The following TBX5 variants were observed in gnomAD, a reference collection of about 807,000 sequenced individuals.
TBX5 encodes T-box transcription factor TBX5.
In TBX5, 8 loss-of-function variants were observed where a neutral mutation model predicts 51.1. The observed-to-expected ratio is 0.16, with a 90% confidence interval of 0.09 to 0.28. TBX5 has a LOEUF of 0.28. Among genes scored for constraint, TBX5 ranks in the 10% least tolerant of loss-of-function variants. The pLI, the probability that TBX5 is intolerant of heterozygous loss-of-function variation, is 1.00. For missense variants in TBX5, 589 were observed against 671.7 expected, an observed-to-expected ratio of 0.88 and a Z score of 1.36; for synonymous variants, 302 against 266.4, an observed-to-expected ratio of 1.13 and a Z score of -1.30.
intron 7 of TBX5, among the ~76,000 whole-genome samples, chr12:114,375,667 G>A (rs999248974): frequency 2.0e-5 from 3 of 152,152 alleles, no homozygotes; most frequent in Non-Finnish European, 4.4e-5. Flanking sequence ...GGAGAAAAAG[G>A]AATCCTTGCA....
intron 7 of TBX5, among the ~76,000 whole-genome samples, chr12:114,373,467 G>T (rs982018219): frequency 2.6e-5 from 4 of 152,184 alleles, no homozygotes; most frequent in Admixed American, 6.5e-5. Flanking sequence ...TTGTTTGTTT[G>T]TGTTTGTTTT....
chr12:114,387,553 G>A (rs999672665), intron 6 of TBX5, among the ~76,000 whole-genome samples: 3 of 152,216 alleles, frequency 2.0e-5, no homozygotes, highest in Non-Finnish European at 4.4e-5. Flanking sequence ...TTTTGGGTTT[G>A]TGAAACTACT....
At chr12:114,399,395 T>G in intron 4 of TBX5, 118 bp downstream of exon 4, 1 of 1,471,934 alleles carries the variant, frequency 6.8e-7, no homozygotes, top group Non-Finnish European at 9.4e-7. Flanking sequence ...GACAGACGCC[T>G]TTAGCACACA....
Position 114,394,875 on chromosome 12 carries a change from G to A in TBX5, c.529C>T (p.His177Tyr). ...ATGTGTAATCTAGGCTGGTATTTGT[G>A]CATGGAATTTAGAATAATCTAAAAA... ...PFGHIILNSM[H>Y]KYQPRLHIVK... The change falls in exon 6 of 9, where the codon CAC (histidine) becomes TAC (tyrosine). Residue 177 changes from histidine to tyrosine, a missense_variant. Physicochemically the swap from His to Tyr is moderately conservative, Grantham distance 83 (BLOSUM62 2). This residue lies in a region of TBX5 where 20 missense variants were observed against 50.9 expected (regional missense o/e 0.39). Coordinates refer to ENST00000405440, the MANE Select transcript of TBX5 (RefSeq NM_181486.4). The A allele has an allele frequency of 6.2e-7, 1 of 1,613,980 alleles. No homozygotes were observed. Among genetic ancestry groups the A allele is most frequent in the East Asian group, 2.2e-5 (1 of 44,880 alleles).
chr12:114,398,303 G>A (rs1871548550), intron 5 of TBX5, among the ~76,000 whole-genome samples: 1 of 152,048 alleles, frequency 6.6e-6, no homozygotes, highest in Admixed American at 6.6e-5. Context: ...GGATGAAATA[G>A]TAGGAAGAAA....
Position 114,390,989 on chromosome 12 carries a change from G to A in TBX5, c.663+3752C>T, listed in dbSNP as rs549153827. ...CAGCTGGGCTGAGGAAATGTGTCTC[G>A]TCATTAGGGGCCCAGTGGTATATGG... On this transcript the variant is annotated intron_variant, in intron 6 of 8. Transcript: ENST00000405440. 1.6e-4 allele frequency among the ~76,000 whole-genome samples: 24 copies of A among 152,226 alleles called. No homozygotes were observed. In the South Asian group the frequency reaches 1.9e-3, roughly 12 times the overall value.
chr12:114,399,004 G>C (rs1322092510), intron 4 of TBX5, among the ~76,000 whole-genome samples: 1 of 152,118 alleles, frequency 6.6e-6, no homozygotes, highest in Non-Finnish European at 1.5e-5. Context: ...AAAAAGCCTT[G>C]AAAATTCCTT....
chr12:114,356,209 G>C, intron 8 of TBX5, 103 bp from the exon 9 acceptor site: 1 of 1,137,992 alleles, frequency 8.8e-7, no homozygotes, highest in Non-Finnish European at 1.3e-6. Flanking sequence ...AGTCCTGAGA[G>C]ACTGTTAGCC....
At chr12:114,406,444 G>C (rs1872229910), upstream of TBX5, among the ~76,000 whole-genome samples, 2 of 152,108 alleles carry the variant, frequency 1.3e-5, no homozygotes, top group Non-Finnish European at 2.9e-5. Context: ...TGGCGGTGCA[G>C]AGAACCGAGT....
intron 1 of TBX5, 51 bp downstream of exon 1, chr12:114,405,577 G>T (rs560982170): frequency 2.2e-6 from 1 of 457,448 alleles, no homozygotes; most frequent in Non-Finnish European, 2.9e-6. Context: ...CAGCCGACTC[G>T]GCCGACGAGC....
chr12:114,357,103 T>C (rs181071851), intron 8 of TBX5, among the ~76,000 whole-genome samples: 96 of 152,368 alleles, frequency 6.3e-4, no homozygotes, highest in African/African-American at 2.1e-3. Flanking sequence ...TGATTCCTTA[T>C]GTAAGCATGT....
At chr12:114,361,489 G>A (rs1397486586) in intron 8 of TBX5, among the ~76,000 whole-genome samples, 1 of 152,192 alleles carries the variant, frequency 6.6e-6, no homozygotes, top group African/African-American at 2.4e-5. Context: ...CCCAGGCCCT[G>A]GGGTCCTGGA....
At chr12:114,400,926 A>G (rs1593882856) in intron 3 of TBX5, among the ~76,000 whole-genome samples, 1 of 151,958 alleles carries the variant, frequency 6.6e-6, no homozygotes, top group Non-Finnish European at 1.5e-5. Flanking sequence ...AGGCGGCTCC[A>G]CCCTCCCCCT....
At chr12:114,406,232 A>T (rs1053639618), upstream of TBX5, 1 of 11,708 alleles carries the variant, frequency 8.5e-5, no homozygotes, top group African/African-American at 5.4e-4. Flanking sequence ...CCTTCCCCCC[A>T]CCCCAAATTT....
intron 5 of TBX5, among the ~76,000 whole-genome samples, chr12:114,396,259 GCGACGC>G (rs1048169650): frequency 1.3e-5 from 2 of 151,850 alleles, no homozygotes; most frequent in Non-Finnish European, 2.9e-5. Context: ...CCGGCCGATA[GCGACGC>G]CGACCGGGGC....
intron 6 of TBX5, among the ~76,000 whole-genome samples, chr12:114,392,563 C>T (rs1895609): frequency 1.3e-3 from 205 of 152,020 alleles, no homozygotes; most frequent in African/African-American, 4.8e-3. Context: ...TTTTTTAAGC[C>T]GGTCACTTTT....
rs1018752516 is a variant in TBX5, at chr12:114,355,306, T to C, written c.*226A>G. On this transcript the variant is annotated 3_prime_UTR_variant, in exon 9 of 9. Coordinates refer to ENST00000405440, the MANE Select transcript of TBX5 (RefSeq NM_181486.4). ...GGTGGGACTCATCTTTTTGTGTTTGTTTTTTTAAGTTTTGAGACAAAACAA... is the reference window on the plus strand; with the variant it reads ...GGTGGGACTCATCTTTTTGTGTTTGCTTTTTTAAGTTTTGAGACAAAACAA... 2.1e-5 allele frequency: 14 copies of C among 652,018 alleles called. 2 individuals carry two copies. In the South Asian group the frequency reaches 2.2e-4, roughly 10 times the overall value. The allele number at this position is 652,018 out of a possible 1,614,324, so 40.4% of individuals were successfully genotyped here.
chr12:114,356,359 C>T (rs1868918960), intron 8 of TBX5, among the ~76,000 whole-genome samples: 1 of 152,200 alleles, frequency 6.6e-6, no homozygotes, highest in Middle Eastern at 3.2e-3. Flanking sequence ...GGAAATAGCA[C>T]TTCCTACAAA....
At chr12:114,404,649 A>G (rs1872079528) in intron 1 of TBX5, among the ~76,000 whole-genome samples, 2 of 152,134 alleles carry the variant, frequency 1.3e-5, no homozygotes, top group Admixed American at 1.3e-4. Context: ...GTAGCCAAAC[A>G]GAAGACTAGA....
Sources: gnomAD v4.1 joint callset for allele counts (sites outside exome capture counted in the v4.1 genomes callset) on GRCh38, gnomAD v4.1.1 for gene constraint, gnomAD v4.1.1 regional missense constraint, MANE v1.5 for transcripts, NCBI Gene and HGNC (gene_info 2026-07-23, HGNC 2026-07-21) for gene names.